Variants in COL25A1 observed in about 807,000 individuals in gnomAD.
The protein encoded by COL25A1 is collagen type XXV alpha 1 chain.
A neutral mutation model predicts 128.4 loss-of-function variants in COL25A1; 103 were observed. The ratio of observed to expected loss-of-function variants is 0.80; its 90% CI spans 0.68 to 0.94. The LOEUF (loss-of-function observed/expected upper bound fraction) is 0.94. COL25A1 is among the 40% of genes least tolerant of loss of function. The pLI, the probability that COL25A1 is intolerant of heterozygous loss-of-function variation, is 0.00. For synonymous variants in COL25A1, 279 were observed against 277.2 expected, an observed-to-expected ratio of 1.01 and a Z score of -0.06; for missense variants, 745 against 840.0, an observed-to-expected ratio of 0.89 and a Z score of 1.40.
chr4:108,868,924 A>T (rs924966480), intron 20 of COL25A1, among the ~76,000 whole-genome samples, 164 bp downstream of exon 20: 2 of 151,020 alleles, frequency 1.3e-5, no homozygotes, highest in African/African-American at 4.9e-5. Flanking sequence ...AAAGAGAAAG[A>T]AAAGAAGGAA....
intron 3 of COL25A1, among the ~76,000 whole-genome samples, chr4:109,221,074 T>C (rs1778374883): frequency 6.6e-6 from 1 of 152,048 alleles, no homozygotes; most frequent in Non-Finnish European, 1.5e-5. Flanking sequence ...CCCATATTAT[T>C]TAGTACTTAA....
intron 6 of COL25A1, among the ~76,000 whole-genome samples, chr4:108,993,457 C>G (rs9994325): frequency 2.6e-5 from 4 of 152,092 alleles, no homozygotes; most frequent in African/African-American, 9.7e-5. Flanking sequence ...ACTTCCAATT[C>G]TAAAAAGCTA....
intron 19 of COL25A1, 149 bp downstream of exon 19, chr4:108,884,029 A>G (rs987461831): frequency 3.1e-5 from 20 of 635,302 alleles, no homozygotes; most frequent in African/African-American, 3.1e-4. Flanking sequence ...TTAATTTTTA[A>G]TTTAAAAATT....
chr4:109,134,580 A>T (rs1769529278), intron 3 of COL25A1, among the ~76,000 whole-genome samples: 1 of 152,194 alleles, frequency 6.6e-6, no homozygotes, highest in Non-Finnish European at 1.5e-5. Context: ...AGCATGACAT[A>T]GCCCTCAGGT....
intron 5 of COL25A1, among the ~76,000 whole-genome samples, chr4:109,012,100 A>C (rs1724471): frequency 0.51 from 77,383 of 151,720 alleles, 22,428 homozygotes; most frequent in African/African-American, 0.77. Flanking sequence ...ACAGTCTTGA[A>C]CTCCCAGGCT....
chr4:108,946,043 C>A (rs979960340), intron 8 of COL25A1, among the ~76,000 whole-genome samples: 1 of 152,092 alleles, frequency 6.6e-6, no homozygotes, highest in Non-Finnish European at 1.5e-5. Context: ...TGTGAAACTA[C>A]CATATATATA....
intron 3 of COL25A1, among the ~76,000 whole-genome samples, chr4:109,164,847 A>G (rs373726682): frequency 4.6e-5 from 7 of 152,232 alleles, no homozygotes; most frequent in African/African-American, 1.4e-4. Context: ...CTATCTGAAT[A>G]ATCACAATTA....
chr4:108,824,411 T>C (rs908736216), intron 34 of COL25A1, among the ~76,000 whole-genome samples, 184 bp from the exon 35 acceptor site: 2 of 152,240 alleles, frequency 1.3e-5, no homozygotes, highest in African/African-American at 2.4e-5. Flanking sequence ...CTCAATTATC[T>C]ATACACAACA....
chr4:109,154,055 A>T (rs1771799224), intron 3 of COL25A1, among the ~76,000 whole-genome samples: 1 of 152,242 alleles, frequency 6.6e-6, no homozygotes, highest in South Asian at 2.1e-4. Context: ...ATTAAAAAAT[A>T]ATCTATTTGC....
intron 3 of COL25A1, among the ~76,000 whole-genome samples, chr4:109,089,366 C>T (rs893656009): frequency 6.6e-6 from 1 of 152,164 alleles, no homozygotes; most frequent in Admixed American, 6.5e-5. Flanking sequence ...ATGAAGAAGG[C>T]ATATAGCAGC....
At chr4:109,198,651 C>T (rs1776315877) in intron 3 of COL25A1, among the ~76,000 whole-genome samples, 1 of 152,150 alleles carries the variant, frequency 6.6e-6, no homozygotes, top group African/African-American at 2.4e-5. Flanking sequence ...CCCTTCTGAA[C>T]AGACACAGCA....
chr4:109,063,217 G>A (rs1344783109), intron 3 of COL25A1, among the ~76,000 whole-genome samples: 2 of 152,142 alleles, frequency 1.3e-5, no homozygotes, highest in Non-Finnish European at 2.9e-5. Context: ...ACTTTAAAAA[G>A]TCAATAAAAG....
At chr4:108,827,003 T>C in intron 33 of COL25A1, 132 bp downstream of exon 33, 1 of 776,050 alleles carries the variant, frequency 1.3e-6, no homozygotes, top group Non-Finnish European at 2.2e-6. Context: ...AAGTACTGAA[T>C]TTATAGATAA....
intron 3 of COL25A1, among the ~76,000 whole-genome samples, chr4:109,152,465 T>C (rs1275570018): frequency 6.6e-6 from 1 of 152,228 alleles, no homozygotes; most frequent in Non-Finnish European, 1.5e-5. Context: ...CCTGATAATA[T>C]TAAAAATACC....
intron 19 of COL25A1, among the ~76,000 whole-genome samples, chr4:108,879,692 C>T (rs543908516): frequency 2.6e-5 from 4 of 152,250 alleles, no homozygotes; most frequent in African/African-American, 7.2e-5. Flanking sequence ...AGTGATCCAC[C>T]CGCCTCGGCC....
intron 3 of COL25A1, among the ~76,000 whole-genome samples, chr4:109,127,340 C>A (rs1298914478): frequency 6.6e-6 from 1 of 152,054 alleles, no homozygotes; most frequent in Non-Finnish European, 1.5e-5. Flanking sequence ...GATTAATTAT[C>A]AATGTATAAG....
chr4:109,291,837 C>T (rs1278362954), intron 3 of COL25A1, among the ~76,000 whole-genome samples: 1 of 151,990 alleles, frequency 6.6e-6, no homozygotes, highest in Non-Finnish European at 1.5e-5. Flanking sequence ...CGAACAGTAC[C>T]ATGCTCAGTT....
intron 3 of COL25A1, among the ~76,000 whole-genome samples, chr4:109,193,905 G>A (rs1775812476): frequency 1.3e-5 from 2 of 152,286 alleles, no homozygotes; most frequent in South Asian, 2.1e-4. Flanking sequence ...ATCAACTTGA[G>A]CCTTTATGAT....
intron 11 of COL25A1, among the ~76,000 whole-genome samples, chr4:108,927,347 T>C (rs1263222591): frequency 1.3e-5 from 2 of 152,184 alleles, no homozygotes; most frequent in Non-Finnish European, 2.9e-5. Flanking sequence ...CGTCAGCACC[T>C]AGATTAGTGC....
Sources: gnomAD v4.1 joint callset for allele counts (sites outside exome capture counted in the v4.1 genomes callset) on GRCh38, gnomAD v4.1.1 for gene constraint, MANE v1.5 for transcripts, NCBI Gene and HGNC (gene_info 2026-07-23, HGNC 2026-07-21) for gene names.